Variants in DDX52 observed in about 807,000 individuals in gnomAD.
The protein encoded by DDX52 is probable ATP-dependent RNA helicase DDX52.
In DDX52, 59 loss-of-function variants were observed where a neutral mutation model predicts 76.1. That is an observed-to-expected ratio of 0.78 (90% confidence interval 0.63 to 0.96). DDX52 has a LOEUF of 0.96. Among genes scored for constraint, DDX52 ranks in the 40% least tolerant of loss-of-function variants. The pLI is 0.00. For missense variants in DDX52, 707 were observed against 703.9 expected (o/e 1.00, Z -0.05); for synonymous variants, 231 against 244.1 (o/e 0.95, Z 0.50).
chr17:37,616,475 A>G (rs1234444468), intron 14 of DDX52, among the ~76,000 whole-genome samples: 1 of 152,082 alleles, frequency 6.6e-6, no homozygotes, highest in Non-Finnish European at 1.5e-5. Flanking sequence ...CAACATGGTG[A>G]AACCCCATCT....
intron 4 of DDX52, 46 bp downstream of exon 4, chr17:37,632,067 A>C: frequency 1.9e-6 from 3 of 1,611,274 alleles, no homozygotes. Flanking sequence ...ATGAGCAAAC[A>C]CACAGAGGAA....
chr17:37,613,366 A>C lies in DDX52; in HGVS notation c.*930T>G, dbSNP rs773550644. Reference sequence around the variant, plus strand: ...ATAAGCTGTAAGAGAATGAAGACAGAGGTATATCAAGTAACAAGAACATTC... The same window carrying C: ...ATAAGCTGTAAGAGAATGAAGACAGCGGTATATCAAGTAACAAGAACATTC... On this transcript the variant is annotated 3_prime_UTR_variant, in exon 15 of 15. Transcript: ENST00000617633. 2.6e-5 allele frequency: 4 copies of C among 152,248 alleles called. No homozygotes were observed. Among genetic ancestry groups the C allele is most frequent in the Non-Finnish European group, 4.4e-5 (3 of 68,044 alleles). The allele number at this position is 152,248 out of a possible 1,614,324, so 9.4% of individuals were successfully genotyped here.
intron 2 of DDX52, among the ~76,000 whole-genome samples, chr17:37,633,973 T>A (rs1246200441): frequency 7.1e-6 from 1 of 140,640 alleles, no homozygotes; most frequent in Admixed American, 7.4e-5. Flanking sequence ...TGAGACAGAG[T>A]CTTGCTCTGT....
chr17:37,628,732 T>C (rs1230908907), intron 5 of DDX52, 60 bp from the exon 6 acceptor site: 14 of 1,168,010 alleles, frequency 1.2e-5, no homozygotes, highest in Non-Finnish European at 1.6e-5. Flanking sequence ...ATGTATACTC[T>C]TTTACATGAT....
intron 2 of DDX52, among the ~76,000 whole-genome samples, chr17:37,639,107 A>G (rs927818462): frequency 3.9e-5 from 6 of 152,150 alleles, no homozygotes; most frequent in Non-Finnish European, 5.9e-5. Flanking sequence ...CAGAAGGCCA[A>G]AAAGTAAATA....
rs1474715172 is a variant in DDX52, at chr17:37,613,970, G to A, written c.*326C>T. 2.5e-5 allele frequency: 6 copies of A among 237,730 alleles called. No homozygotes were observed. The highest frequency in any genetic ancestry group is 5.6e-5 in the Admixed American group (1 of 17,848). 14.7% of individuals were successfully genotyped at this position (237,730 alleles called of 1,614,324 possible). A position where few individuals can be genotyped will look rare whatever the true frequency, so the allele number is the denominator to read the frequency against. On this transcript the variant is annotated 3_prime_UTR_variant, in exon 15 of 15. Transcript: ENST00000617633. ...ATTTCCATTGTATAATCATTTAAAA[G>A]TCACCTACAGAGCTGGGTGCAGCAG...
At position 37,621,351 on chromosome 17, in the gene DDX52, A is replaced by T. The variant is rs551312802; in HGVS notation, c.1350+47T>A. The T allele has an allele frequency of 5.6e-6, 9 of 1,597,650 alleles. No individual in the cohort carries two copies. In the South Asian group the frequency reaches 9.1e-5, roughly 16 times the overall value. On this transcript the variant is annotated intron_variant, in intron 10 of 14. Transcript: ENST00000617633. ...TTCATAAATTTAATGTCAATAGTTTAAAATCAAGTAGTTCTTCTGAGTTTC... is the reference window on the plus strand; with the variant it reads ...TTCATAAATTTAATGTCAATAGTTTTAAATCAAGTAGTTCTTCTGAGTTTC...
chr17:37,617,836 A>G (rs2029881364), intron 14 of DDX52, among the ~76,000 whole-genome samples: 2 of 152,326 alleles, frequency 1.3e-5, no homozygotes, highest in South Asian at 2.1e-4. Context: ...TATTAAAACA[A>G]ATTCCTGGCT....
rs1432154538 is a variant in DDX52 at position 37,611,413 on chromosome 17, G to A, written c.*2883C>T. On this transcript the variant is annotated 3_prime_UTR_variant, in exon 15 of 15. Transcript: ENST00000617633. The stretch of plus-strand genomic sequence containing the variant: ...ATAGAAAAAAAGCTTCTAGAATAAG[G>A]ATATAAAGAAATAAAGTATTTTTCT... 2 of 152,078 alleles carry A rather than the reference G, an allele frequency of 1.3e-5. No homozygotes were observed. Among genetic ancestry groups the A allele is most frequent in the East Asian group, 1.9e-4 (1 of 5,192 alleles). 9.4% of individuals were successfully genotyped at this position (152,078 alleles called of 1,614,324 possible).
chr17:37,624,513 T>G, intron 8 of DDX52, 79 bp from the exon 9 acceptor site: 5 of 1,061,622 alleles, frequency 4.7e-6, no homozygotes, highest in Non-Finnish European at 6.7e-6. Flanking sequence ...ATGAAAAAAT[T>G]TACACACAAC....
rs529035549 is a variant in DDX52 at position 37,632,658 on chromosome 17, C to T, written c.418-360G>A. On this transcript the variant is annotated intron_variant, in intron 3 of 14. Transcript: ENST00000617633. ...TACCCTAAAACTCTGATTATTAAAACTGAGTGCCAAAAAGTGGAGTCTAGT... is the reference window on the plus strand; with the variant it reads ...TACCCTAAAACTCTGATTATTAAAATTGAGTGCCAAAAAGTGGAGTCTAGT... 5.9e-5 allele frequency among the ~76,000 whole-genome samples: 9 copies of T among 152,240 alleles called. No homozygotes were observed. In the South Asian group the frequency reaches 1.9e-3, roughly 32 times the overall value.
intron 9 of DDX52, among the ~76,000 whole-genome samples, chr17:37,623,136 T>C (rs2030189692): frequency 6.6e-6 from 1 of 152,242 alleles, no homozygotes; most frequent in Non-Finnish European, 1.5e-5. Context: ...CCACTAAGGC[T>C]GCTGCCCTTA....
chr17:37,630,271 A>G lies in DDX52; in HGVS notation c.604-98T>C, dbSNP rs972486307. On this transcript the variant is annotated intron_variant, in intron 4 of 14. Coordinates refer to ENST00000617633, the MANE Select transcript of DDX52 (RefSeq NM_007010.5). ...ACCAGCCATAGAAAAAAACAAATAC[A>G]ATTTTACATAATGAATCTAATCTTT... 24 of 1,219,170 alleles carry G rather than the reference A, an allele frequency of 2.0e-5. No individual in the cohort carries two copies. The African/African-American group carries it at 3.2e-4, about 16-fold the overall frequency. 75.5% of individuals were successfully genotyped at this position (1,219,170 alleles called of 1,614,324 possible). A position where few individuals can be genotyped will look rare whatever the true frequency, so the allele number is the denominator to read the frequency against.
At chr17:37,620,041 A>AT (rs1353164227) in intron 12 of DDX52, 2 of 507,590 alleles carry the variant, frequency 3.9e-6, no homozygotes, top group Non-Finnish European at 7.0e-6. Context: ...TAATGCACTG[A>AT]TGAATAACTA....
chr17:37,621,069 A>T (rs529308402), intron 11 of DDX52, 58 bp downstream of exon 11: 1 of 1,565,234 alleles, frequency 6.4e-7, no homozygotes, highest in South Asian at 1.2e-5. Context: ...AGGGAATAGC[A>T]GGGGTCCTAA....
intron 2 of DDX52, among the ~76,000 whole-genome samples, chr17:37,639,885 GTCTT>G (rs1163820435): frequency 2.0e-5 from 3 of 152,138 alleles, no homozygotes; most frequent in Non-Finnish European, 2.9e-5. Context: ...TTTGTGGCGT[GTCTT>G]TCTTATTGGT....
intron 2 of DDX52, 119 bp from the exon 3 acceptor site, chr17:37,633,537 T>A: frequency 1.4e-6 from 1 of 714,978 alleles, no homozygotes; most frequent in Non-Finnish European, 1.9e-6. Context: ...AAGCCTGTAG[T>A]CCCAGCTACT....
At position 37,643,427 on chromosome 17, in the gene DDX52, C is replaced by T; in HGVS notation, c.-7G>A. 3 of 1,613,712 alleles carry T rather than the reference C, an allele frequency of 1.9e-6. No homozygotes were observed. Among genetic ancestry groups the T allele is most frequent in the Non-Finnish European group, 1.7e-6 (2 of 1,179,864 alleles). The stretch of plus-strand genomic sequence containing the variant: ...AGAGATCGTGGACGTCCATCTTTAC[C>T]CAGAAAGCGCCACAGTTCTACGGCG... On this transcript the variant is annotated 5_prime_UTR_variant, in exon 1 of 15. Transcript: ENST00000617633.
chr17:37,642,336 CCTA>C, intron 1 of DDX52, 28 bp from the exon 2 acceptor site: 4 of 1,592,440 alleles, frequency 2.5e-6, no homozygotes, highest in Non-Finnish European at 3.4e-6. Context: ...TAAAATGAAA[CCTA>C]CTGACAGAAT....
Sources: allele counts gnomAD v4.1 joint callset (sites outside exome capture counted in the v4.1 genomes callset), GRCh38; gene constraint gnomAD v4.1.1; transcripts MANE v1.5; gene names NCBI Gene and HGNC (gene_info 2026-07-23, HGNC 2026-07-21).